ADAMTS7: variants seen among roughly 807,000 people sequenced by gnomAD.
ADAMTS7 encodes the protein ADAM metallopeptidase with thrombospondin type 1 motif 7.
Under a neutral mutation model 172.6 loss-of-function variants are expected in ADAMTS7, and 89 were observed. The ratio of observed to expected loss-of-function variants is 0.52; its 90% confidence interval spans 0.43 to 0.61. ADAMTS7 has a LOEUF of 0.61. Ranked by LOEUF, ADAMTS7 falls within the 20% of genes least tolerant of loss-of-function variation. ADAMTS7 has a pLI of 0.00. For missense variants in ADAMTS7, 1,973 were observed against 2,355.6 expected, an observed-to-expected ratio of 0.84 and a Z score of 3.36; for synonymous variants, 885 against 978.4, an observed-to-expected ratio of 0.90 and a Z score of 1.78.
intron 9 of ADAMTS7, 164 bp from the exon 10 acceptor site, chr15:78,777,005 C>T: frequency 1.6e-6 from 1 of 641,966 alleles, no homozygotes; most frequent in Admixed American, 2.6e-5. Context: ...CACCTTCCTC[C>T]CCGGACCATG....
At chr15:78,775,818 G>A (rs549458889) in intron 11 of ADAMTS7, among the ~76,000 whole-genome samples, 53 of 152,340 alleles carry the variant, frequency 3.5e-4, no homozygotes, top group African/African-American at 1.2e-3. Context: ...TGGGGAAATG[G>A]AGGCCCAGAG....
rs2055243263 is a variant in ADAMTS7, at chr15:78,771,219, G to A, written c.2461C>T (p.Pro821Ser). The A allele has an allele frequency of 6.2e-7, 1 of 1,611,996 alleles. No individual in the cohort carries two copies. Among genetic ancestry groups the A allele is most frequent in the Non-Finnish European group, 8.5e-7 (1 of 1,179,654 alleles). The change falls in exon 16 of 24, where the codon CCC becomes TCC. Residue 821 changes from proline (P) to serine (S), a missense_variant. This residue lies in a region of ADAMTS7 where 771 missense variants were observed against 952.6 expected (regional missense o/e 0.81). Coordinates refer to ENST00000388820, the MANE Select transcript of ADAMTS7 (RefSeq NM_014272.5). This position sits in a 1 kb window ranked among gnomAD's most constrained non-coding sequence, Gnocchi z 4.9. ...GGCCCATAATGCCAGGAGAACACGG[G>A]CGGCGGGACCTCGTCGTGGCCACCT... ...EAGGHDEVPP[P>S]VFSWHYGPWT...
intron 7 of ADAMTS7, 87 bp from the exon 8 acceptor site, chr15:78,788,461 T>C: frequency 2.0e-6 from 3 of 1,505,948 alleles, no homozygotes; most frequent in Non-Finnish European, 1.8e-6. Flanking sequence ...AGGTGCGCAG[T>C]CCTAGTTCCC....
At chr15:78,792,139 G>A (rs915761343) in intron 4 of ADAMTS7, among the ~76,000 whole-genome samples, 6 of 152,202 alleles carry the variant, frequency 3.9e-5, no homozygotes, top group Non-Finnish European at 7.3e-5. Flanking sequence ...CCCTGATTAT[G>A]GGGATGAATG....
At chr15:78,795,859 G>A (rs1404744602) in intron 4 of ADAMTS7, among the ~76,000 whole-genome samples, 1 of 152,208 alleles carries the variant, frequency 6.6e-6, no homozygotes, top group Non-Finnish European at 1.5e-5. Flanking sequence ...GTCGGCTCCA[G>A]GAATCCCAGC....
chr15:78,797,901 T>A (rs544346658), intron 3 of ADAMTS7, 47 bp downstream of exon 3: 5 of 1,564,260 alleles, frequency 3.2e-6, no homozygotes, highest in South Asian at 1.2e-5. Flanking sequence ...CCCCTTCATG[T>A]CCCCAGGCCC....
intron 5 of ADAMTS7, 98 bp from the exon 6 acceptor site, chr15:78,790,892 A>G: frequency 6.4e-7 from 1 of 1,561,754 alleles, no homozygotes; most frequent in Non-Finnish European, 8.7e-7. Context: ...GAGGCCCAGC[A>G]GGGAAGTGGG....
intron 7 of ADAMTS7, among the ~76,000 whole-genome samples, chr15:78,789,251 T>C (rs1359194626): frequency 6.6e-6 from 1 of 152,196 alleles, no homozygotes; most frequent in Non-Finnish European, 1.5e-5. Flanking sequence ...AGAGGGAGCC[T>C]TGGACATCAC....
chr15:78,804,909 C>G (rs1292572343), intron 1 of ADAMTS7, among the ~76,000 whole-genome samples: 1 of 152,180 alleles, frequency 6.6e-6, no homozygotes, highest in Non-Finnish European at 1.5e-5. Flanking sequence ...GACTAGGAAG[C>G]TATGTTTTTA....
At chr15:78,799,036 T>C (rs904444675) in intron 2 of ADAMTS7, among the ~76,000 whole-genome samples, 4 of 150,224 alleles carry the variant, frequency 2.7e-5, no homozygotes, top group South Asian at 4.3e-4. Context: ...ATGGGAATGA[T>C]GCCCCATGTG....
Position 78,763,773 on chromosome 15 carries a change from C to T in ADAMTS7, c.4666G>A (p.Ala1556Thr), listed in dbSNP as rs376569624. The T allele has an allele frequency of 6.3e-7, 1 of 1,596,836 alleles. No individual in the cohort carries two copies. Among genetic ancestry groups the T allele is most frequent in the African/African-American group, 1.3e-5 (1 of 74,706 alleles). Reference protein sequence around the residue: ...TCPEPGLCEEALRPNTTRPCN... With the variant: ...TCPEPGLCEETLRPNTTRPCN... ...GGCCGGGTGGTGTTGGGTCTCAGCGCCTCCTCGCAGAGGCCTGGCTCCGGG... is the reference window on the plus strand; with the variant it reads ...GGCCGGGTGGTGTTGGGTCTCAGCGTCTCCTCGCAGAGGCCTGGCTCCGGG... The change falls in exon 22 of 24, where the codon GCG (alanine) becomes ACG (threonine). Residue 1556 changes from alanine to threonine, a missense_variant. By Grantham distance (58) the Ala-to-Thr change is moderately conservative. Coordinates refer to ENST00000388820, the MANE Select transcript of ADAMTS7 (RefSeq NM_014272.5).
chr15:78,787,195 A>C (rs1412108723), intron 8 of ADAMTS7, among the ~76,000 whole-genome samples: 1 of 152,110 alleles, frequency 6.6e-6, no homozygotes, highest in Non-Finnish European at 1.5e-5. Flanking sequence ...CACAGGAGTC[A>C]GCACCCCTGA....
intron 10 of ADAMTS7, 120 bp downstream of exon 10, chr15:78,776,629 G>T: frequency 9.3e-7 from 1 of 1,076,706 alleles, no homozygotes; most frequent in Non-Finnish European, 1.4e-6. Flanking sequence ...GCTGCAGAGA[G>T]CGTGGGGCTC....
intron 1 of ADAMTS7, among the ~76,000 whole-genome samples, chr15:78,809,282 G>C (rs560010013): frequency 6.6e-6 from 1 of 152,154 alleles, no homozygotes. Flanking sequence ...AACATTCAGT[G>C]GTAGGAGGAG....
chr15:78,809,810 C>A (rs1438578707), intron 1 of ADAMTS7, among the ~76,000 whole-genome samples: 1 of 152,208 alleles, frequency 6.6e-6, no homozygotes, highest in Non-Finnish European at 1.5e-5. Context: ...CCACAGGTCG[C>A]TCTACTCTGA....
chr15:78,771,409 G>T lies in ADAMTS7; in HGVS notation c.2377-106C>A. The T allele has an allele frequency of 6.3e-7, 1 of 1,574,986 alleles. No individual in the cohort carries two copies. On this transcript the variant is annotated intron_variant, in intron 15 of 23. Transcript: ENST00000388820. The surrounding 1 kb of genome is among the most constrained non-coding windows in gnomAD (Gnocchi z 4.9). ...TCTGTGAACTGCAGCTACAAGATTG[G>T]GCCATTTTAAAGATGGGGAAACTGA...
At chr15:78,798,875 G>A (rs929410501) in intron 2 of ADAMTS7, among the ~76,000 whole-genome samples, 10 of 152,334 alleles carry the variant, frequency 6.6e-5, no homozygotes, top group African/African-American at 2.4e-4. Context: ...ACAGGACCAG[G>A]GGGCCTGGAG....
intron 2 of ADAMTS7, 104 bp downstream of exon 2, chr15:78,800,088 T>G (rs1427530223): frequency 9.7e-7 from 1 of 1,028,216 alleles, no homozygotes; most frequent in Non-Finnish European, 1.4e-6. Flanking sequence ...AGAGAAAAAG[T>G]GCACTGGGCA....
chr15:78,761,916 C>T (rs1227932858), intron 23 of ADAMTS7: 14 of 985,370 alleles, frequency 1.4e-5, no homozygotes, highest in African/African-American at 3.5e-5. Flanking sequence ...ACCCCATTAC[C>T]TCATTAGCAG....
Sources: gnomAD v4.1 joint callset for allele counts (sites outside exome capture counted in the v4.1 genomes callset) on GRCh38, gnomAD v4.1.1 for gene constraint, gnomAD v4.1.1 regional missense constraint, Gnocchi (gnomAD v3.1) non-coding constraint, MANE v1.5 for transcripts, NCBI Gene and HGNC (gene_info 2026-07-23, HGNC 2026-07-21) for gene names.